Variants in PTPRD observed in about 807,000 individuals in gnomAD.
PTPRD encodes receptor-type tyrosine-protein phosphatase delta.
A neutral mutation model predicts 214.5 loss-of-function variants in PTPRD; 34 were observed. The observed-to-expected ratio is 0.16, with a 90% CI of 0.12 to 0.21. The LOEUF (loss-of-function observed/expected upper bound fraction) is 0.21, where lower values mean the gene tolerates loss of function less well. Ranked by LOEUF, PTPRD falls within the 10% of genes least tolerant of loss-of-function variation. The pLI is 1.00. For synonymous variants in PTPRD, 1,128 were observed against 845.7 expected (o/e 1.33, Z -5.79); for missense variants, 2,545 against 2,398.7 (o/e 1.06, Z -1.27).
intron 14 of PTPRD, among the ~76,000 whole-genome samples, chr9:8,592,757 TTAAA>T (rs1419017600): frequency 1.3e-5 from 2 of 152,204 alleles, no homozygotes; most frequent in Non-Finnish European, 2.9e-5. Context: ...AAATTAGTGC[TTAAA>T]AGATAACAAA....
chr9:9,473,375 G>C (rs1468247178), intron 8 of PTPRD, among the ~76,000 whole-genome samples: 1 of 152,106 alleles, frequency 6.6e-6, no homozygotes, highest in African/African-American at 2.4e-5. Flanking sequence ...GGCATCTGTT[G>C]ATGAACATTT....
rs1239499356 is a variant in PTPRD, at chr9:9,938,602, A to G, written c.-463T>C. On this transcript the variant is annotated 5_prime_UTR_variant, in exon 5 of 46. Coordinates refer to ENST00000381196, the MANE Select transcript of PTPRD (RefSeq NM_002839.4). ...ACGGGCCAGGAACTGCTTGCCTTTT[A>G]TTTTCCACCTGGAACAAAACATAGT... 6.6e-6 allele frequency: 1 copy of G among 151,906 alleles called. No homozygotes were observed. Among genetic ancestry groups the G allele is most frequent in the Non-Finnish European group, 1.5e-5 (1 of 67,986 alleles). 9.4% of individuals were successfully genotyped at this position (151,906 alleles called of 1,614,324 possible). A position where few individuals can be genotyped will look rare whatever the true frequency, so the allele number is the denominator to read the frequency against.
chr9:9,954,719 T>TA (rs1188071985), intron 4 of PTPRD, among the ~76,000 whole-genome samples: 1 of 152,162 alleles, frequency 6.6e-6, no homozygotes, highest in Non-Finnish European at 1.5e-5. Context: ...TCCTATTTTT[T>TA]ATATCAATTT....
At chr9:8,902,701 G>GA (rs1467312018) in intron 11 of PTPRD, among the ~76,000 whole-genome samples, 1 of 152,014 alleles carries the variant, frequency 6.6e-6, no homozygotes, top group Admixed American at 6.6e-5. Flanking sequence ...TAAAGTTTAA[G>GA]AAACAGCACC....
intron 3 of PTPRD, among the ~76,000 whole-genome samples, chr9:10,079,082 AT>A (rs1159183310): frequency 6.6e-6 from 1 of 152,028 alleles, no homozygotes; most frequent in African/African-American, 2.4e-5. Context: ...GTGTACCTGT[AT>A]TTTAAAACTT....
chr9:9,000,662 T>C (rs551755600), intron 11 of PTPRD, among the ~76,000 whole-genome samples: 1 of 152,092 alleles, frequency 6.6e-6, no homozygotes, highest in East Asian at 1.9e-4. Context: ...TTCAGCATAA[T>C]TGATGAATTC....
At chr9:9,843,784 G>A (rs1217958841) in intron 5 of PTPRD, among the ~76,000 whole-genome samples, 1 of 151,906 alleles carries the variant, frequency 6.6e-6, no homozygotes, top group Non-Finnish European at 1.5e-5. Flanking sequence ...ATATTAAAAT[G>A]AAAACCGAAA....
chr9:10,111,732 T>C (rs2098693522), intron 3 of PTPRD, among the ~76,000 whole-genome samples: 1 of 152,200 alleles, frequency 6.6e-6, no homozygotes, highest in Non-Finnish European at 1.5e-5. Flanking sequence ...ATGGATTTTA[T>C]AATCAGACAG....
chr9:8,507,479 T>A, intron 21 of PTPRD, 45 bp from the exon 22 acceptor site: 1 of 1,611,382 alleles, frequency 6.2e-7, no homozygotes, highest in Non-Finnish European at 8.5e-7. Context: ...TCACCAGGAG[T>A]ATTCACAAAG....
At chr9:9,147,731 C>T (rs191963588) in intron 10 of PTPRD, among the ~76,000 whole-genome samples, 1 of 152,168 alleles carries the variant, frequency 6.6e-6, no homozygotes, top group African/African-American at 2.4e-5. Context: ...CTATTTGGCC[C>T]TTTATAGAAA....
intron 14 of PTPRD, among the ~76,000 whole-genome samples, chr9:8,535,391 A>C (rs2076684339): frequency 6.6e-6 from 1 of 151,936 alleles, no homozygotes; most frequent in African/African-American, 2.4e-5. Flanking sequence ...AAGCCAATAA[A>C]TACCCTCTTT....
intron 11 of PTPRD, among the ~76,000 whole-genome samples, chr9:8,760,351 G>C (rs1043143007): frequency 6.6e-6 from 1 of 152,076 alleles, no homozygotes; most frequent in Non-Finnish European, 1.5e-5. Context: ...CAATATTCAT[G>C]TTTGGAGTTT....
intron 5 of PTPRD, among the ~76,000 whole-genome samples, chr9:9,804,881 G>A (rs2099063201): frequency 6.6e-6 from 1 of 151,352 alleles, no homozygotes; most frequent in South Asian, 2.1e-4. Context: ...CTTGATAGAA[G>A]AAATTCCTTG....
At chr9:10,507,432 G>A (rs1269295722) in intron 2 of PTPRD, among the ~76,000 whole-genome samples, 1 of 152,094 alleles carries the variant, frequency 6.6e-6, no homozygotes, top group Non-Finnish European at 1.5e-5. Flanking sequence ...TTTCTTCACA[G>A]AATTGGAAAA....
At chr9:8,510,549 C>T (rs867773888) in intron 21 of PTPRD, among the ~76,000 whole-genome samples, 1 of 152,118 alleles carries the variant, frequency 6.6e-6, no homozygotes, top group African/African-American at 2.4e-5. Context: ...CAGGTAAAAC[C>T]TTTCCATTCT....
At chr9:9,787,614 G>C (rs187709199) in intron 5 of PTPRD, among the ~76,000 whole-genome samples, 7 of 151,832 alleles carry the variant, frequency 4.6e-5, no homozygotes, top group Admixed American at 2.0e-4. Context: ...AAACATACCA[G>C]GTAAAAGGGA....
intron 11 of PTPRD, among the ~76,000 whole-genome samples, chr9:8,766,529 A>G (rs1007567358): frequency 3.3e-5 from 5 of 152,230 alleles, no homozygotes; most frequent in African/African-American, 1.2e-4. Context: ...ATAGAAAATT[A>G]ATAATTTATC....
At chr9:10,556,251 G>C (rs192147094) in intron 2 of PTPRD, among the ~76,000 whole-genome samples, 1 of 151,672 alleles carries the variant, frequency 6.6e-6, no homozygotes, top group Non-Finnish European at 1.5e-5. Context: ...CAATATAATA[G>C]CTATACAAAA....
chr9:8,747,616 A>G (rs528978623), intron 11 of PTPRD, among the ~76,000 whole-genome samples: 1 of 152,326 alleles, frequency 6.6e-6, no homozygotes, highest in South Asian at 2.1e-4. Flanking sequence ...CAGGAAACCA[A>G]GCCCCAGTAC....
Sources: gnomAD v4.1 joint callset for allele counts (sites outside exome capture counted in the v4.1 genomes callset) on GRCh38, gnomAD v4.1.1 for gene constraint, MANE v1.5 for transcripts, NCBI Gene and HGNC (gene_info 2026-07-23, HGNC 2026-07-21) for gene names.